SLC24A4: variants seen among roughly 807,000 people sequenced by gnomAD.
SLC24A4 encodes the protein solute carrier family 24 member 4, also known as sodium/potassium/calcium exchanger 4.
SLC24A4 carries 53 observed loss-of-function variants against 79.0 expected under a neutral mutation model. The ratio of observed to expected loss-of-function variants is 0.67; its 90% CI spans 0.54 to 0.84. SLC24A4 has a LOEUF of 0.84. SLC24A4 is among the 40% of genes least tolerant of loss of function. SLC24A4 has a pLI of 0.00. For missense variants in SLC24A4, 731 were observed against 822.0 expected (o/e 0.89, Z 1.35); for synonymous variants, 323 against 323.8 (o/e 1.00, Z 0.03).
rs140886941 is a variant in SLC24A4 at position 92,423,276 on chromosome 14, C to G, written c.242-10636C>G. 7.5e-3 allele frequency among the ~76,000 whole-genome samples: 1,144 copies of G among 152,176 alleles called. 9 individuals are homozygous for G. The highest frequency in any genetic ancestry group is 9.2e-3 in the Non-Finnish European group (628 of 68,010). The stretch of plus-strand genomic sequence containing the variant: ...TCTCCTGTCTCAGCCTCCTGAGTAG[C>G]TGGGATTACAGGCACGCGCGACCAT... On this transcript the variant is annotated intron_variant, in intron 2 of 16. Coordinates refer to ENST00000532405, the MANE Select transcript of SLC24A4 (RefSeq NM_153646.4).
At chr14:92,482,063 A>T (rs957223354) in intron 12 of SLC24A4, among the ~76,000 whole-genome samples, 23 of 152,302 alleles carry the variant, frequency 1.5e-4, no homozygotes, top group Admixed American at 7.2e-4. Context: ...GGGACAAAGG[A>T]GCTGAGATTT....
intron 16 of SLC24A4, 65 bp from the exon 17 acceptor site, chr14:92,493,411 C>G: frequency 6.3e-7 from 1 of 1,584,712 alleles, no homozygotes; most frequent in Admixed American, 1.7e-5. Flanking sequence ...GTGTCGCTTT[C>G]CAGTAGAAAT....
chr14:92,330,176 T>C (rs945348691), intron 2 of SLC24A4, among the ~76,000 whole-genome samples: 1 of 152,106 alleles, frequency 6.6e-6, no homozygotes, highest in African/African-American at 2.4e-5. Flanking sequence ...AGAATTGGCA[T>C]CCTGAAGAGA....
intron 2 of SLC24A4, among the ~76,000 whole-genome samples, chr14:92,386,673 C>T (rs929222252): frequency 6.6e-6 from 1 of 152,206 alleles, no homozygotes; most frequent in African/African-American, 2.4e-5. Flanking sequence ...ATCAGAGAAG[C>T]ATGTAGTTCA....
rs527460496 is a variant in SLC24A4 at position 92,489,281 on chromosome 14, T to TA, written c.1538-2376dup. On this transcript the variant is annotated intron_variant, in intron 14 of 16. Transcript: ENST00000532405. ...GGTGAAACCCCGTCTCTACTAAAAA[T>TA]AAAAAAAATTAGCCAGGCGTGGTGG... is the stretch of plus-strand genomic sequence containing the variant. 4.2e-4 allele frequency among the ~76,000 whole-genome samples: 64 copies of TA among 151,426 alleles called. 1 individual carries two copies. In the East Asian group the frequency reaches 0.011, roughly 25 times the overall value.
intron 2 of SLC24A4, among the ~76,000 whole-genome samples, chr14:92,340,697 GATGGCAAGAGTGTGAT>G (rs1250591936): frequency 6.6e-6 from 1 of 152,124 alleles, no homozygotes; most frequent in Non-Finnish European, 1.5e-5. Context: ...GGAGCCAAGG[GATGGCAAGAGTGTGAT>G]ATTCACCATC....
At chr14:92,381,274 C>T (rs1888830640) in intron 2 of SLC24A4, among the ~76,000 whole-genome samples, 1 of 152,158 alleles carries the variant, frequency 6.6e-6, no homozygotes, top group Non-Finnish European at 1.5e-5. Context: ...AGTTCATGTC[C>T]TTTGCAGGGA....
Position 92,449,210 on chromosome 14 carries a change from G to A in SLC24A4, c.874G>A (p.Gly292Arg), listed in dbSNP as rs776091949. Residue 292 changes from glycine to arginine, a missense_variant, in exon 10 of 17, where the codon GGG (glycine) becomes AGG (arginine). Physicochemically the swap from Gly to Arg is moderately radical, Grantham distance 125. Coordinates refer to ENST00000532405, the MANE Select transcript of SLC24A4 (RefSeq NM_153646.4). ...SYDDPSVPLL[G>R]QVKEKPQYGK... Reference sequence around the variant, plus strand: ...TGATGACCCTTCCGTGCCATTGCTGGGGCAAGGTAAGGCTGAGCAGACAGG... The same window carrying A: ...TGATGACCCTTCCGTGCCATTGCTGAGGCAAGGTAAGGCTGAGCAGACAGG... The A allele has an allele frequency of 1.7e-5, 27 of 1,613,896 alleles. No individual in the cohort carries two copies. The Admixed American group carries it at 4.3e-4, about 26-fold the overall frequency.
At chr14:92,468,098 A>G (rs1437687001) in intron 12 of SLC24A4, among the ~76,000 whole-genome samples, 1 of 152,180 alleles carries the variant, frequency 6.6e-6, no homozygotes, top group Non-Finnish European at 1.5e-5. Flanking sequence ...CAATATATAC[A>G]ATTCAGTTGT....
intron 2 of SLC24A4, among the ~76,000 whole-genome samples, chr14:92,345,351 A>G (rs1023366423): frequency 6.6e-6 from 1 of 152,194 alleles, no homozygotes; most frequent in Non-Finnish European, 1.5e-5. Context: ...TGTCTGTAGC[A>G]TGGTGATGAC....
intron 2 of SLC24A4, among the ~76,000 whole-genome samples, chr14:92,407,556 A>G (rs1890459886): frequency 6.6e-6 from 1 of 152,210 alleles, no homozygotes; most frequent in Admixed American, 6.5e-5. Flanking sequence ...AACAGGAAGC[A>G]TGACTAGGGG....
chr14:92,468,450 C>G (rs181002429), intron 12 of SLC24A4, among the ~76,000 whole-genome samples: 1 of 152,170 alleles, frequency 6.6e-6, no homozygotes, highest in East Asian at 1.9e-4. Flanking sequence ...CCAGAATAGC[C>G]AAAACAGTCT....
rs188723609 is a variant in SLC24A4, at chr14:92,448,598, G to A, written c.738-476G>A. Reference sequence around the variant, plus strand: ...TCTGAGTGCCTTTCAGCGAGAGCCCGCCTGAGGTTCTTTGAGATGGAGAGA... The same window carrying A: ...TCTGAGTGCCTTTCAGCGAGAGCCCACCTGAGGTTCTTTGAGATGGAGAGA... On this transcript the variant is annotated intron_variant, in intron 9 of 16. Transcript: ENST00000532405. Among the ~76,000 whole-genome samples, 34 of 152,278 alleles carry A rather than the reference G, an allele frequency of 2.2e-4. 1 individual carries two copies. The East Asian group carries it at 3.9e-3, about 17-fold the overall frequency.
chr14:92,381,724 C>T (rs1432285499), intron 2 of SLC24A4, among the ~76,000 whole-genome samples: 2 of 151,826 alleles, frequency 1.3e-5, no homozygotes, highest in African/African-American at 4.8e-5. Flanking sequence ...GCTGGTTATT[C>T]TCAGCCATGC....
At chr14:92,392,077 A>G (rs1889502424) in intron 2 of SLC24A4, among the ~76,000 whole-genome samples, 1 of 152,098 alleles carries the variant, frequency 6.6e-6, no homozygotes, top group Non-Finnish European at 1.5e-5. Context: ...TCCAGGAGAC[A>G]TCTTTCTCAA....
intron 2 of SLC24A4, among the ~76,000 whole-genome samples, chr14:92,381,086 T>A (rs1888818682): frequency 6.6e-6 from 1 of 152,192 alleles, no homozygotes; most frequent in Non-Finnish European, 1.5e-5. Context: ...ACTAGGTATA[T>A]GCCAAAAGGA....
At chr14:92,483,839 C>T (rs1387165136) in intron 13 of SLC24A4, 1 of 1,289,710 alleles carries the variant, frequency 7.8e-7, no homozygotes, top group African/African-American at 1.5e-5. Context: ...TATTCTCCTC[C>T]TAATGCCTGA....
At position 92,415,039 on chromosome 14, in the gene SLC24A4, T is replaced by A. The variant is rs1890906136; in HGVS notation, c.242-18873T>A. Among the ~76,000 whole-genome samples the A allele has an allele frequency of 3.3e-5, 5 of 152,046 alleles. No homozygotes were observed. The South Asian group carries it at 1.0e-3, about 32-fold the overall frequency. ...GGGTGTGCACCTGCAGATGGGGGGA[T>A]GGTGTTGGACTCATGGTTGAAAGGC... On this transcript the variant is annotated intron_variant, in intron 2 of 16. Transcript: ENST00000532405.
intron 2 of SLC24A4, among the ~76,000 whole-genome samples, chr14:92,409,774 A>G (rs1890607816): frequency 6.6e-6 from 1 of 152,180 alleles, no homozygotes; most frequent in Non-Finnish European, 1.5e-5. Flanking sequence ...TAGCAAAGAC[A>G]TGCAATCAAC....
Sources: gnomAD v4.1 joint callset for allele counts (sites outside exome capture counted in the v4.1 genomes callset) on GRCh38, gnomAD v4.1.1 for gene constraint, MANE v1.5 for transcripts, NCBI Gene and HGNC (gene_info 2026-07-23, HGNC 2026-07-21) for gene names.